The following R3HDML variants were observed in gnomAD, a reference collection of about 807,000 sequenced individuals.
The protein encoded by R3HDML is peptidase inhibitor R3HDML.
A neutral mutation model predicts 24.2 loss-of-function variants in R3HDML; 21 were observed. The observed-to-expected ratio is 0.87, with a 90% CI of 0.62 to 1.25. R3HDML has a LOEUF of 1.25. Among genes scored for constraint, R3HDML ranks in the 50% most tolerant of loss-of-function variants. The probability of loss-of-function intolerance (pLI) is 0.00; values close to 1 mark genes in which losing one functional copy is unlikely to be tolerated. For missense variants in R3HDML, 301 were observed against 340.3 expected, an observed-to-expected ratio of 0.88 and a Z score of 0.91; for synonymous variants, 133 against 131.5, an observed-to-expected ratio of 1.01 and a Z score of -0.08.
intron 1 of R3HDML, among the ~76,000 whole-genome samples, chr20:44,339,607 CTG>C (rs1890088929): frequency 2.2e-5 from 2 of 90,610 alleles, no homozygotes; most frequent in Non-Finnish European, 4.5e-5. Flanking sequence ...GTGTGTGTGT[CTG>C]TGTGTGTGTG....
At chr20:44,339,542 G>C (rs755232428) in intron 1 of R3HDML, among the ~76,000 whole-genome samples, 8 of 151,752 alleles carry the variant, frequency 5.3e-5, no homozygotes, top group Non-Finnish European at 8.8e-5. Flanking sequence ...AAAAGAGCAA[G>C]GTGCAGAATA....
chr20:44,345,829 C>CTTTTTTTTTTTTTTTTTTTTTTT (rs1426944034), intron 4 of R3HDML, among the ~76,000 whole-genome samples: 1 of 147,772 alleles, frequency 6.8e-6, no homozygotes, highest in African/African-American at 2.5e-5. Context: ...TTCTTTCTTT[C>CTTTTTTTTTTTTTTTTTTTTTTT]TTTTTTTTGA....
chr20:44,342,225 C>T (rs2062774080), intron 2 of R3HDML, among the ~76,000 whole-genome samples: 1 of 152,306 alleles, frequency 6.6e-6, no homozygotes, highest in East Asian at 1.9e-4. Flanking sequence ...AGAAAAACAA[C>T]TACCTTCCCA....
intron 4 of R3HDML, among the ~76,000 whole-genome samples, chr20:44,346,032 C>T (rs1181266450): frequency 6.6e-6 from 1 of 152,204 alleles, no homozygotes; most frequent in Non-Finnish European, 1.5e-5. Context: ...GTTGGCCAGA[C>T]TGGTCTCAAA....
intron 4 of R3HDML, among the ~76,000 whole-genome samples, chr20:44,345,785 CA>C (rs955702508): frequency 2.3e-4 from 35 of 149,844 alleles, no homozygotes; most frequent in African/African-American, 5.4e-4. Context: ...GAAACTGTCT[CA>C]AAAAAAAAGT....
Position 44,345,891 on chromosome 20 carries a change from C to T in R3HDML, c.629+513C>T, listed in dbSNP as rs985649016. 1.1e-4 allele frequency among the ~76,000 whole-genome samples: 17 copies of T among 151,068 alleles called. No homozygotes were observed. The Admixed American group carries it at 1.1e-3, about 10-fold the overall frequency. ...CTGGAATGCAGTGGCATGATCTCAG[C>T]TCGCTGCAGCCTCCACTTCCCAGGT... On this transcript the variant is annotated intron_variant, in intron 4 of 4. Transcript: ENST00000217043.
At chr20:44,345,521 AG>A in intron 4 of R3HDML, 143 bp downstream of exon 4, 1 of 622,762 alleles carries the variant, frequency 1.6e-6, no homozygotes, top group South Asian at 2.1e-5. Flanking sequence ...GAGTTTACTA[AG>A]GCCGAGCATG....
At chr20:44,339,579 ATG>A (rs140076477) in intron 1 of R3HDML, among the ~76,000 whole-genome samples, 12,421 of 147,892 alleles carry the variant, frequency 0.084, 563 homozygotes, top group Non-Finnish European at 0.1. Flanking sequence ...GCCTATATAT[ATG>A]TGTGTGTGTG....
intron 1 of R3HDML, among the ~76,000 whole-genome samples, chr20:44,338,144 C>T (rs1455914143): frequency 6.6e-6 from 1 of 152,218 alleles, no homozygotes; most frequent in Non-Finnish European, 1.5e-5. Flanking sequence ...TGTCCAAAAC[C>T]AGCCTAGAGG....
chr20:44,348,480 TTC>T (rs1239512197), intron 4 of R3HDML, among the ~76,000 whole-genome samples: 115 of 58,030 alleles, frequency 2.0e-3, no homozygotes, highest in South Asian at 5.6e-3. Context: ...CCTTTTCCCT[TTC>T]TCCTTTCCTT....
Position 44,342,679 on chromosome 20 carries a change from C to T in R3HDML, c.381-698C>T, listed in dbSNP as rs139701287. 7.3e-3 allele frequency among the ~76,000 whole-genome samples: 1,112 copies of T among 152,180 alleles called. 5 individuals are homozygous for T. Among genetic ancestry groups the T allele is most frequent in the Middle Eastern group, 0.02 (6 of 294 alleles). On this transcript the variant is annotated intron_variant, in intron 2 of 4. Transcript: ENST00000217043. ...AGAAAAAGCCCTCAGAGGCCGGGTG[C>T]GGTGGCTCATGCTTGTAATCCCAGC...
rs73275334 is a variant in R3HDML at position 44,348,103 on chromosome 20, A to C, written c.630-2557A>C. 4.0e-3 allele frequency among the ~76,000 whole-genome samples: 615 copies of C among 152,178 alleles called. 3 individuals are homozygous for C. The highest frequency in any genetic ancestry group is 0.014 in the African/African-American group (579 of 41,532). ...GTTTGTTGACATATCAAATGTTTGA[A>C]GCATTGAGTGTTATCAGTATAGTTG... On this transcript the variant is annotated intron_variant, in intron 4 of 4. Coordinates refer to ENST00000217043, the MANE Select transcript of R3HDML (RefSeq NM_178491.4).
intron 1 of R3HDML, among the ~76,000 whole-genome samples, chr20:44,339,657 T>C (rs1461667613): frequency 6.6e-6 from 1 of 151,782 alleles, no homozygotes; most frequent in Non-Finnish European, 1.5e-5. Flanking sequence ...ATAGAATATA[T>C]ACCTGTATAC....
chr20:44,341,912 TA>T (rs1216179679), intron 2 of R3HDML, among the ~76,000 whole-genome samples: 1 of 151,826 alleles, frequency 6.6e-6, no homozygotes, highest in Admixed American at 6.6e-5. Flanking sequence ...TAAAATAAAA[TA>T]AAGATAAGGG....
chr20:44,337,837 T>C lies in R3HDML; in HGVS notation c.261+419T>C, dbSNP rs902983538. On this transcript the variant is annotated intron_variant, in intron 1 of 4. Transcript: ENST00000217043. This position sits in a 1 kb window ranked among gnomAD's most constrained non-coding sequence, Gnocchi z 4.7. ...CAATCCCCTACCCAAGAATTTTGGC[T>C]CCCCACACTGGGGACCTGCATGGGG... Among the ~76,000 whole-genome samples the C allele has an allele frequency of 2.6e-5, 4 of 152,124 alleles. No homozygotes were observed. The highest frequency in any genetic ancestry group is 5.9e-5 in the Non-Finnish European group (4 of 67,996).
intron 4 of R3HDML, among the ~76,000 whole-genome samples, chr20:44,347,190 A>C (rs2062789630): frequency 6.6e-6 from 1 of 151,704 alleles, no homozygotes. Context: ...CTAAGTAAAC[A>C]TGATATTTAG....
chr20:44,341,293 A>G lies in R3HDML; in HGVS notation c.359A>G (p.Asn120Ser). The change falls in exon 2 of 5, where the codon AAC becomes AGC. Residue 120 changes from asparagine (N) to serine (S), a missense_variant. Transcript: ENST00000217043. The stretch of plus-strand genomic sequence containing the variant: ...CAGCTGATGAGATACGTGGGCCAGA[A>G]CCTCTCCATCCATTCTGGCCAGTGA... ...PSQLMRYVGQ[N>S]LSIHSGQYRS... The G allele has an allele frequency of 6.2e-7, 1 of 1,613,870 alleles. No individual in the cohort carries two copies. Among genetic ancestry groups the G allele is most frequent in the South Asian group, 1.1e-5 (1 of 91,056 alleles).
chr20:44,343,609 C>T (rs1256668073), intron 3 of R3HDML, 100 bp downstream of exon 3: 22 of 1,225,610 alleles, frequency 1.8e-5, no homozygotes, highest in Admixed American at 9.0e-5. Context: ...AAACAAAGAC[C>T]GTTATGAGCT....
chr20:44,341,219 G>C lies in R3HDML; in HGVS notation c.285G>C (p.Arg95Ser). 1 of 1,613,780 alleles carries C rather than the reference G, an allele frequency of 6.2e-7. No individual in the cohort carries two copies. The highest frequency in any genetic ancestry group is 1.1e-5 in the South Asian group (1 of 91,044). The change falls in exon 2 of 5, where the codon AGG (arginine) becomes AGC (serine). Residue 95 changes from arginine (R) to serine (S), a missense_variant. By Grantham distance (110) the Arg-to-Ser change is moderately radical (BLOSUM62 -1). Coordinates refer to ENST00000217043, the MANE Select transcript of R3HDML (RefSeq NM_178491.4). Reference protein sequence around the residue: ...EYMVWDKRLARAAEAWATQCI... With the variant: ...EYMVWDKRLASAAEAWATQCI... ...AGGTCTGGGACAAGCGGCTGGCCAG[G>C]GCTGCCGAAGCCTGGGCCACCCAGT...
Sources: allele counts gnomAD v4.1 joint callset (sites outside exome capture counted in the v4.1 genomes callset), GRCh38; gene constraint gnomAD v4.1.1; non-coding constraint Gnocchi (gnomAD v3.1); transcripts MANE v1.5; gene names NCBI Gene and HGNC (gene_info 2026-07-23, HGNC 2026-07-21).